The following DCLRE1C variants were observed in gnomAD, a reference collection of about 807,000 sequenced individuals.
DCLRE1C encodes DNA cross-link repair 1C, also known as protein artemis.
Under a neutral mutation model 61.4 loss-of-function variants are expected in DCLRE1C, and 47 were observed. The observed-to-expected ratio is 0.77, with a 90% CI of 0.61 to 0.98. DCLRE1C has a LOEUF of 0.98. Among genes scored for constraint, DCLRE1C ranks in the 50% least tolerant of loss-of-function variants. The pLI is 0.00. For synonymous variants in DCLRE1C, 337 were observed against 287.6 expected (o/e 1.17, Z -1.74); for missense variants, 858 against 816.0 (o/e 1.05, Z -0.63).
chr10:14,945,581 C>G (rs112296918), intron 2 of DCLRE1C: 4 of 1,030,250 alleles, frequency 3.9e-6, no homozygotes, highest in African/African-American at 3.5e-5. Context: ...AAGATACCGC[C>G]ACACATTACA....
At chr10:14,943,282 G>A (rs1396767057) in intron 3 of DCLRE1C, among the ~76,000 whole-genome samples, 5 of 152,060 alleles carry the variant, frequency 3.3e-5, no homozygotes, top group South Asian at 2.1e-4. Context: ...ACAGGTTCTC[G>A]CAGTTTCTAC....
chr10:14,954,357 A>T (rs1842872965), upstream of DCLRE1C: 2 of 399,330 alleles, frequency 5.0e-6, no homozygotes, highest in Admixed American at 7.2e-5. Flanking sequence ...GGAAATCGAA[A>T]CTCCCAGAGC....
Position 14,904,982 on chromosome 10 carries a change from C to T in DCLRE1C, c.*3426G>A, listed in dbSNP as rs777940847. ...TCTAAAATGTAGACAATAGTTGTTT[C>T]TCTTTTAGTTCATCAGTTTCTCTTA... On this transcript the variant is annotated 3_prime_UTR_variant, in exon 14 of 14. Transcript: ENST00000378278. Among the ~76,000 whole-genome samples the T allele has an allele frequency of 1.1e-4, 16 of 152,118 alleles. No homozygotes were observed. The highest frequency in any genetic ancestry group is 1.5e-4 in the Non-Finnish European group (10 of 68,012).
At chr10:14,934,236 G>A (rs1485245595) in intron 8 of DCLRE1C, 144 bp downstream of exon 8, 4 of 1,208,376 alleles carry the variant, frequency 3.3e-6, no homozygotes, top group Non-Finnish European at 3.4e-6. Context: ...GCTGAGCCAG[G>A]AGAATTGCTT....
At chr10:14,941,904 G>T (rs1157983649) in intron 3 of DCLRE1C, among the ~76,000 whole-genome samples, 5 of 152,182 alleles carry the variant, frequency 3.3e-5, no homozygotes, top group African/African-American at 1.2e-4. Context: ...AAGCTCTTCA[G>T]TGACAATTGT....
At chr10:14,909,392 T>A in intron 13 of DCLRE1C, 62 bp from the exon 14 acceptor site, 3 of 1,454,164 alleles carry the variant, frequency 2.1e-6, no homozygotes, top group South Asian at 1.2e-5. Flanking sequence ...TTGTAGTATT[T>A]ATCTGTACTT....
chr10:14,911,644 A>G (rs1188689820), intron 13 of DCLRE1C, among the ~76,000 whole-genome samples: 1 of 152,238 alleles, frequency 6.6e-6, no homozygotes, highest in Non-Finnish European at 1.5e-5. Flanking sequence ...TAAAACCTTT[A>G]CGCTTCAAGA....
downstream of DCLRE1C, chr10:14,903,396 T>C (rs1257913734): frequency 6.6e-6 from 1 of 152,240 alleles, no homozygotes; most frequent in East Asian, 1.9e-4. Flanking sequence ...GGAGAGCAGC[T>C]GTACCTAACA....
intron 13 of DCLRE1C, 131 bp downstream of exon 13, chr10:14,919,607 A>G (rs1298134052): frequency 2.7e-6 from 2 of 752,074 alleles, no homozygotes; most frequent in Non-Finnish European, 4.8e-6. Flanking sequence ...TCCTGAGACC[A>G]TGTGTCAAGT....
At chr10:14,915,593 AT>A (rs796108914) in intron 13 of DCLRE1C, among the ~76,000 whole-genome samples, 10 of 151,982 alleles carry the variant, frequency 6.6e-5, no homozygotes, top group African/African-American at 2.4e-4. Flanking sequence ...AAAAAAAAAA[AT>A]AACCTGAATA....
chr10:14,921,333 A>T (rs1291086855), intron 12 of DCLRE1C, among the ~76,000 whole-genome samples: 1 of 152,104 alleles, frequency 6.6e-6, no homozygotes, highest in Non-Finnish European at 1.5e-5. Context: ...AAAAGAAAAA[A>T]AAAACAAGCA....
In DCLRE1C at chr10:14,907,507, T is replaced by G. The variant is rs984903849; in HGVS notation, c.*901A>C. Among the ~76,000 whole-genome samples, 2 of 152,154 alleles carry G rather than the reference T, an allele frequency of 1.3e-5. No individual in the cohort carries two copies. The highest frequency in any genetic ancestry group is 3.8e-4 in the East Asian group (2 of 5,202). ...TAGTTCTGTTACTAAGGAGGGATGT[T>G]AAATTAATCCCTAGCTGTAATTGTG... is the stretch of plus-strand genomic sequence containing the variant. On this transcript the variant is annotated 3_prime_UTR_variant, in exon 14 of 14. Coordinates refer to ENST00000378278, the MANE Select transcript of DCLRE1C (RefSeq NM_001033855.3).
At chr10:14,909,656 C>T (rs1480195673) in intron 13 of DCLRE1C, among the ~76,000 whole-genome samples, 10 of 151,352 alleles carry the variant, frequency 6.6e-5, no homozygotes, top group Admixed American at 3.9e-4. Flanking sequence ...CCTACTGAAT[C>T]CCTGAGGAAG....
intron 2 of DCLRE1C, 21 bp downstream of exon 2, chr10:14,949,015 A>C: frequency 6.3e-7 from 1 of 1,577,510 alleles, no homozygotes; most frequent in Non-Finnish European, 8.7e-7. Flanking sequence ...GCTTAAAAAC[A>C]CAAGTAGCAA....
At chr10:14,941,965 T>G (rs1840928740) in intron 3 of DCLRE1C, 1 of 152,236 alleles carries the variant, frequency 6.6e-6, no homozygotes, top group African/African-American at 2.4e-5. Flanking sequence ...TTGTACTATG[T>G]CAACTCACCT....
intron 9 of DCLRE1C, among the ~76,000 whole-genome samples, chr10:14,931,712 A>G (rs1839026844): frequency 6.6e-6 from 1 of 152,182 alleles, no homozygotes; most frequent in Non-Finnish European, 1.5e-5. Flanking sequence ...CAAGTAGAAG[A>G]AAAAGTTTAT....
At position 14,908,544 on chromosome 10, in the gene DCLRE1C, G is replaced by T. The variant is rs1303439360; in HGVS notation, c.1943C>A (p.Ser648Tyr). The change falls in exon 14 of 14, where the codon TCT becomes TAT. Residue 648 changes from serine to tyrosine, a missense_variant. Transcript: ENST00000378278. Reference protein sequence around the residue: ...NLSTNADSQSSSDFEVPSTPE... With the variant: ...NLSTNADSQSYSDFEVPSTPE... ...AGTTGAGGGAACTTCAAAATCAGAA[G>T]AGCTCTGGGAATCTGCATTTGTGCT... 6.2e-7 allele frequency: 1 copy of T among 1,614,156 alleles called. No homozygotes were observed. Among genetic ancestry groups the T allele is most frequent in the East Asian group, 2.2e-5 (1 of 44,868 alleles).
chr10:14,931,956 C>T (rs34397997), intron 9 of DCLRE1C, among the ~76,000 whole-genome samples: 15,531 of 152,016 alleles, frequency 0.1, 973 homozygotes, highest in Middle Eastern at 0.14. Flanking sequence ...ATCGCTTGAA[C>T]TCAGGAGGCA....
At chr10:14,938,426 C>T (rs1840333726) in intron 4 of DCLRE1C, among the ~76,000 whole-genome samples, 1 of 152,128 alleles carries the variant, frequency 6.6e-6, no homozygotes. Flanking sequence ...AATACTTCAA[C>T]TTCAACTGTC....
Sources: gnomAD v4.1 joint callset for allele counts (sites outside exome capture counted in the v4.1 genomes callset) on GRCh38, gnomAD v4.1.1 for gene constraint, MANE v1.5 for transcripts, NCBI Gene and HGNC (gene_info 2026-07-23, HGNC 2026-07-21) for gene names.